Variants in KCNJ6 observed in about 807,000 individuals in gnomAD.
KCNJ6 encodes potassium inwardly rectifying channel subfamily J member 6, also known as G protein-activated inward rectifier potassium channel 2.
In KCNJ6, 9 loss-of-function variants were observed where a neutral mutation model predicts 34.2. The ratio of observed to expected loss-of-function variants is 0.26; its 90% confidence interval spans 0.16 to 0.46. The LOEUF (loss-of-function observed/expected upper bound fraction) is 0.46. Ranked by LOEUF, KCNJ6 falls within the 20% of genes least tolerant of loss-of-function variation. KCNJ6 has a pLI of 1.00. For missense variants in KCNJ6, 236 were observed against 531.3 expected (o/e 0.44, Z 5.46); for synonymous variants, 196 against 207.1 (o/e 0.95, Z 0.46).
intron 2 of KCNJ6, 85 bp downstream of exon 2, chr21:37,840,573 A>T: frequency 2.3e-6 from 2 of 876,696 alleles, no homozygotes; most frequent in Non-Finnish European, 3.8e-6. Context: ...GACAAATCAG[A>T]TCATCACACG....
chr21:37,832,523 C>A (rs778913294), intron 2 of KCNJ6, among the ~76,000 whole-genome samples: 1 of 152,102 alleles, frequency 6.6e-6, no homozygotes, highest in Non-Finnish European at 1.5e-5. Flanking sequence ...AATTCTGACA[C>A]CTGCTTTCCT....
intron 1 of KCNJ6, among the ~76,000 whole-genome samples, chr21:37,848,785 G>A (rs2055522985): frequency 6.6e-6 from 1 of 152,174 alleles, no homozygotes; most frequent in African/African-American, 2.4e-5. Context: ...AGAGTGATGG[G>A]TAGCAGAGAT....
At chr21:37,856,672 C>T (rs1018746137) in intron 1 of KCNJ6, among the ~76,000 whole-genome samples, 8 of 151,958 alleles carry the variant, frequency 5.3e-5, no homozygotes, top group African/African-American at 1.7e-4. Context: ...TGTTTACAAA[C>T]GGGGGGATCC....
intron 1 of KCNJ6, among the ~76,000 whole-genome samples, chr21:37,853,847 T>TATATATATATATATATATAC (rs1555850322): frequency 2.2e-4 from 9 of 40,148 alleles, no homozygotes; most frequent in African/African-American, 5.0e-4. Context: ...TATATATATG[T>TATATATATATATATATATAC]ATATATATAT....
intron 1 of KCNJ6, among the ~76,000 whole-genome samples, chr21:37,912,332 T>C (rs1419802064): frequency 6.6e-6 from 1 of 152,208 alleles, no homozygotes; most frequent in Admixed American, 6.5e-5. Context: ...CAAGTCATAG[T>C]TCGGTGAATA....
At chr21:37,779,260 T>G (rs1349762677) in intron 2 of KCNJ6, among the ~76,000 whole-genome samples, 1 of 152,100 alleles carries the variant, frequency 6.6e-6, no homozygotes, top group Admixed American at 6.6e-5. Context: ...CCTGTGGTAT[T>G]ACTGGCCCAT....
At chr21:37,735,098 C>T (rs757837241) in intron 2 of KCNJ6, among the ~76,000 whole-genome samples, 27 of 152,052 alleles carry the variant, frequency 1.8e-4, no homozygotes, top group Non-Finnish European at 2.9e-4. Context: ...TTGTCCTCAG[C>T]GTGCACCGAC....
rs762848294 is a variant in KCNJ6, at chr21:37,620,106, C to A, written c.*5053G>T. ...AATTTATGCTAGAAAAAAAGTCATT[C>A]TTCTATATTGCCTAGGACTCTCTTA... On this transcript the variant is annotated 3_prime_UTR_variant, in exon 4 of 4. Coordinates refer to ENST00000609713, the MANE Select transcript of KCNJ6 (RefSeq NM_002240.5). 1.6e-4 allele frequency: 25 copies of A among 152,110 alleles called. No individual in the cohort carries two copies. The highest frequency in any genetic ancestry group is 4.1e-4 in the South Asian group (2 of 4,824). The allele number at this position is 152,110 out of a possible 1,614,324, so 9.4% of individuals were successfully genotyped here.
rs2054296095 is a variant in KCNJ6 at position 37,623,271 on chromosome 21, A to T, written c.*1888T>A. ...TTCCTTATCCTGGGACTTCTTTTTT[A>T]GTAGACAAGGTCCCCAGACTACACC... On this transcript the variant is annotated 3_prime_UTR_variant, in exon 4 of 4. Transcript: ENST00000609713. 6.6e-6 allele frequency: 1 copy of T among 152,214 alleles called. No homozygotes were observed. 9.4% of individuals were successfully genotyped at this position (152,214 alleles called of 1,614,324 possible).
chr21:37,712,768 CTGCCTTCCCTTCT>C (rs1267482137), intron 3 of KCNJ6, among the ~76,000 whole-genome samples: 1 of 134,444 alleles, frequency 7.4e-6, no homozygotes. Flanking sequence ...TCCTCCTCCC[CTGCCTTCCCTTCT>C]ACTTCTCCCT....
In KCNJ6 at chr21:37,725,789, C is replaced by T. The variant is rs1343066460; in HGVS notation, c.26-10658G>A. On this transcript the variant is annotated intron_variant, in intron 2 of 3. Coordinates refer to ENST00000609713, the MANE Select transcript of KCNJ6 (RefSeq NM_002240.5). ...ATCACCAGAGCATTGGTTAAACATA[C>T]TGCTGCAGATATAATCAATGGAATA... 3.3e-5 allele frequency among the ~76,000 whole-genome samples: 5 copies of T among 152,206 alleles called. No homozygotes were observed. In the East Asian group the frequency reaches 9.6e-4, roughly 29 times the overall value.
intron 3 of KCNJ6, among the ~76,000 whole-genome samples, chr21:37,654,222 T>C (rs960688814): frequency 2.0e-5 from 3 of 151,084 alleles, no homozygotes; most frequent in Non-Finnish European, 2.9e-5. Flanking sequence ...CATTCACTCA[T>C]GGAATCAGGA....
chr21:37,614,504 GTGTC>G lies in KCNJ6; in HGVS notation c.*10651_*10654del, dbSNP rs1171112354. 7.0e-6 allele frequency: 1 copy of G among 142,338 alleles called. No homozygotes were observed. The highest frequency in any genetic ancestry group is 1.5e-5 in the Non-Finnish European group (1 of 65,978). 8.8% of individuals were successfully genotyped at this position (142,338 alleles called of 1,614,324 possible). On this transcript the variant is annotated 3_prime_UTR_variant, in exon 4 of 4. Coordinates refer to ENST00000609713, the MANE Select transcript of KCNJ6 (RefSeq NM_002240.5). ...CATGTGTCTGTGTGCGTGTATGCAT[GTGTC>G]TCTGTATGCATGTGTGTATGCATGT... is the stretch of plus-strand genomic sequence containing the variant.
chr21:37,878,813 C>T (rs972270352), intron 1 of KCNJ6, among the ~76,000 whole-genome samples: 3 of 152,138 alleles, frequency 2.0e-5, no homozygotes, highest in Admixed American at 6.5e-5. Flanking sequence ...GGGCATGTGA[C>T]GACCAGCACT....
intron 3 of KCNJ6, among the ~76,000 whole-genome samples, chr21:37,640,928 A>C (rs946437408): frequency 2.2e-4 from 33 of 152,238 alleles, no homozygotes; most frequent in Admixed American, 1.2e-3. Flanking sequence ...CCAGGTTCAA[A>C]TAAAACAAAG....
At chr21:37,748,659 G>A (rs935035497) in intron 2 of KCNJ6, among the ~76,000 whole-genome samples, 3 of 152,200 alleles carry the variant, frequency 2.0e-5, no homozygotes, top group Admixed American at 6.5e-5. Flanking sequence ...TGGGTCTTCC[G>A]CTTCTCCCCT....
At chr21:37,760,013 A>T (rs1429822286) in intron 2 of KCNJ6, among the ~76,000 whole-genome samples, 1 of 152,156 alleles carries the variant, frequency 6.6e-6, no homozygotes, top group Admixed American at 6.6e-5. Context: ...GAAGGAACGA[A>T]TGCCTCTCAC....
chr21:37,762,918 C>T (rs906382860), intron 2 of KCNJ6, among the ~76,000 whole-genome samples: 23 of 152,308 alleles, frequency 1.5e-4, no homozygotes, highest in African/African-American at 5.1e-4. Flanking sequence ...TAAGAATCAG[C>T]GACTGAGAAT....
At chr21:37,672,492 G>A (rs1032882733) in intron 3 of KCNJ6, among the ~76,000 whole-genome samples, 2 of 151,802 alleles carry the variant, frequency 1.3e-5, no homozygotes, top group African/African-American at 4.8e-5. Flanking sequence ...TCTCCCCCTG[G>A]GTTTTTGGTT....
Sources: gnomAD v4.1 joint callset for allele counts (sites outside exome capture counted in the v4.1 genomes callset) on GRCh38, gnomAD v4.1.1 for gene constraint, MANE v1.5 for transcripts, NCBI Gene and HGNC (gene_info 2026-07-23, HGNC 2026-07-21) for gene names.